The following NELL1 variants were observed in gnomAD, a reference collection of about 807,000 sequenced individuals.
NELL1 encodes the protein protein kinase C-binding protein NELL1.
Under a neutral mutation model 107.4 loss-of-function variants are expected in NELL1, and 76 were observed. That is an observed-to-expected ratio of 0.71 (90% CI 0.59 to 0.86). NELL1 has a LOEUF of 0.86. Ranked by LOEUF, NELL1 falls within the 40% of genes least tolerant of loss-of-function variation. NELL1 has a pLI of 0.00. For missense variants in NELL1, 1,024 were observed against 1,005.5 expected, an observed-to-expected ratio of 1.02 and a Z score of -0.25; for synonymous variants, 353 against 341.2, an observed-to-expected ratio of 1.03 and a Z score of -0.38.
intron 13 of NELL1, among the ~76,000 whole-genome samples, chr11:21,180,111 A>T (rs1158858501): frequency 6.6e-6 from 1 of 151,630 alleles, no homozygotes; most frequent in Non-Finnish European, 1.5e-5. Flanking sequence ...CCCATGCCAT[A>T]GTTTGCAGAC....
At chr11:20,828,926 CTA>C (rs1857943544) in intron 3 of NELL1, among the ~76,000 whole-genome samples, 1 of 152,116 alleles carries the variant, frequency 6.6e-6, no homozygotes, top group African/African-American at 2.4e-5. Flanking sequence ...TGGGAAAAAA[CTA>C]TGATTCAAAA....
chr11:21,042,478 A>G (rs1013531668), intron 12 of NELL1, among the ~76,000 whole-genome samples: 11 of 152,330 alleles, frequency 7.2e-5, no homozygotes, highest in East Asian at 1.9e-4. Flanking sequence ...TACGGAGCAC[A>G]GTATTGCTGT....
At chr11:21,174,030 C>A (rs1471631214) in intron 13 of NELL1, among the ~76,000 whole-genome samples, 1 of 151,786 alleles carries the variant, frequency 6.6e-6, no homozygotes, top group Non-Finnish European at 1.5e-5. Context: ...ATTGTTCTCC[C>A]TGCTTTGCAG....
intron 11 of NELL1, among the ~76,000 whole-genome samples, chr11:20,948,456 G>C (rs1057097243): frequency 6.6e-6 from 1 of 151,890 alleles, no homozygotes. Flanking sequence ...GGGTAATTGA[G>C]ATATCCATCA....
chr11:20,823,330 C>T (rs327022), intron 3 of NELL1, among the ~76,000 whole-genome samples: 4 of 150,850 alleles, frequency 2.7e-5, no homozygotes, highest in African/African-American at 9.7e-5. Flanking sequence ...ACAGTATGGG[C>T]GAAACTGTCG....
At chr11:21,178,082 G>A (rs1856749487) in intron 13 of NELL1, among the ~76,000 whole-genome samples, 2 of 151,704 alleles carry the variant, frequency 1.3e-5, no homozygotes, top group African/African-American at 4.9e-5. Context: ...TCTTCACTCT[G>A]TTAATTGTTT....
intron 15 of NELL1, among the ~76,000 whole-genome samples, chr11:21,439,555 A>G (rs1260068504): frequency 6.6e-6 from 1 of 152,174 alleles, no homozygotes; most frequent in African/African-American, 2.4e-5. Context: ...TGATGACTTG[A>G]TCAGCATTAA....
intron 13 of NELL1, among the ~76,000 whole-genome samples, chr11:21,163,661 A>G (rs980545214): frequency 2.0e-5 from 3 of 152,190 alleles, no homozygotes; most frequent in Non-Finnish European, 4.4e-5. Context: ...TCTGGGGGTC[A>G]GGAAGTCCAT....
chr11:21,328,532 G>C (rs534769919), intron 14 of NELL1, among the ~76,000 whole-genome samples: 13 of 152,156 alleles, frequency 8.5e-5, no homozygotes, highest in Non-Finnish European at 1.0e-4. Context: ...CCTCCACACA[G>C]AGTTCCCACT....
rs1554913197 is a variant in NELL1 at position 20,751,023 on chromosome 11, A to ATG, written c.185-32641_185-32640dup. Among the ~76,000 whole-genome samples, 1,389 of 142,504 alleles carry ATG rather than the reference A, an allele frequency of 9.7e-3. 17 individuals carry two copies. Among genetic ancestry groups the ATG allele is most frequent in the Non-Finnish European group, 0.016 (1,056 of 67,620 alleles). 93.5% of individuals were successfully genotyped at this position (142,504 alleles called of 152,430 possible). A position where few individuals can be genotyped will look rare whatever the true frequency, so the allele number is the denominator to read the frequency against. ...TGACTTTGTCAAAAATTATTTGTCT[A>ATG]TGTGTGTGTGTGTGTGTTTGTGTGT... On this transcript the variant is annotated intron_variant, in intron 2 of 19. Coordinates refer to ENST00000357134, the MANE Select transcript of NELL1 (RefSeq NM_006157.5).
At chr11:20,947,221 G>A (rs1850980323) in intron 10 of NELL1, 115 bp from the exon 11 acceptor site, 3 of 669,802 alleles carry the variant, frequency 4.5e-6, no homozygotes, top group African/African-American at 1.8e-5. Context: ...ATCCCTGGGA[G>A]TATTAATTAT....
chr11:20,927,147 A>G, intron 7 of NELL1, 161 bp from the exon 8 acceptor site: 1 of 616,598 alleles, frequency 1.6e-6, no homozygotes. Flanking sequence ...CCTTGTGTAA[A>G]AAAAATAAAA....
intron 12 of NELL1, among the ~76,000 whole-genome samples, chr11:21,024,440 C>A (rs2134307127): frequency 6.6e-6 from 1 of 152,218 alleles, no homozygotes; most frequent in African/African-American, 2.4e-5. Context: ...TAGTTATGGT[C>A]TCACATATGT....
chr11:21,523,677 CT>C (rs1855782163), intron 15 of NELL1, among the ~76,000 whole-genome samples: 1 of 152,072 alleles, frequency 6.6e-6, no homozygotes. Flanking sequence ...CTCTGCTTGC[CT>C]TGGTCTTCCT....
intron 13 of NELL1, among the ~76,000 whole-genome samples, chr11:21,141,738 T>G: frequency 9.5e-6 from 1 of 105,608 alleles, no homozygotes; most frequent in East Asian, 2.6e-4. Context: ...CTCTATCCTT[T>G]TTATTTATTT....
At chr11:21,552,032 C>T (rs1450884226) in intron 16 of NELL1, among the ~76,000 whole-genome samples, 3 of 145,114 alleles carry the variant, frequency 2.1e-5, no homozygotes, top group Non-Finnish European at 4.5e-5. Context: ...TAAACTATCG[C>T]AAGAACAAAA....
chr11:20,973,506 A>G (rs150993028), intron 12 of NELL1, among the ~76,000 whole-genome samples: 309 of 152,296 alleles, frequency 2.0e-3, no homozygotes, highest in African/African-American at 6.8e-3. Flanking sequence ...TAGCACCTGT[A>G]ATATACTAGT....
chr11:21,084,367 G>GTGAT (rs1443474435), intron 12 of NELL1, among the ~76,000 whole-genome samples: 2 of 152,130 alleles, frequency 1.3e-5, no homozygotes, highest in African/African-American at 4.8e-5. Context: ...TAATAATAGA[G>GTGAT]TGATTATAAT....
intron 18 of NELL1, among the ~76,000 whole-genome samples, chr11:21,571,141 A>G (rs1335032821): frequency 6.6e-6 from 1 of 151,930 alleles, no homozygotes; most frequent in Non-Finnish European, 1.5e-5. Context: ...GCACATATTT[A>G]TGGGACAGAT....
Sources: gnomAD v4.1 joint callset for allele counts (sites outside exome capture counted in the v4.1 genomes callset) on GRCh38, gnomAD v4.1.1 for gene constraint, MANE v1.5 for transcripts, NCBI Gene and HGNC (gene_info 2026-07-23, HGNC 2026-07-21) for gene names.